CDCA2: variants seen among roughly 807,000 people sequenced by gnomAD.
CDCA2 encodes the protein cell division cycle associated 2, also known as cell division cycle-associated protein 2.
A neutral mutation model predicts 67.0 loss-of-function variants in CDCA2; 44 were observed. The observed-to-expected ratio is 0.66, with a 90% confidence interval of 0.52 to 0.84. The LOEUF (loss-of-function observed/expected upper bound fraction) is 0.84, where lower values mean the gene tolerates loss of function less well. Among genes scored for constraint, CDCA2 ranks in the 40% least tolerant of loss-of-function variants. CDCA2 has a pLI of 0.00. For synonymous variants in CDCA2, 447 were observed against 418.7 expected, an observed-to-expected ratio of 1.07 and a Z score of -0.82; for missense variants, 1,253 against 1,203.2, an observed-to-expected ratio of 1.04 and a Z score of -0.61.
At chr8:25,499,442 G>C (rs1397468555) in intron 13 of CDCA2, among the ~76,000 whole-genome samples, 1 of 151,318 alleles carries the variant, frequency 6.6e-6, no homozygotes, top group African/African-American at 2.4e-5. Flanking sequence ...GTAGCTGGGA[G>C]TACATGGCTT....
intron 13 of CDCA2, among the ~76,000 whole-genome samples, chr8:25,497,089 T>G (rs1804252938): frequency 6.6e-6 from 1 of 152,138 alleles, no homozygotes; most frequent in African/African-American, 2.4e-5. Flanking sequence ...AGTCTTACAG[T>G]CCCAAGTGCT....
At position 25,468,371 on chromosome 8, in the gene CDCA2, A is replaced by C; in HGVS notation, c.693A>C (p.Thr231=). The C allele has an allele frequency of 6.2e-7, 1 of 1,613,536 alleles. No homozygotes were observed. The highest frequency in any genetic ancestry group is 2.2e-5 in the East Asian group (1 of 44,844). The change falls in exon 6 of 15, where the codon ACA becomes ACC. Residue 231 remains threonine, a synonymous_variant. Transcript: ENST00000330560. ...VIGLQIFNID[T]DRACAVETSV... is the part of the protein sequence containing the mutation. ...GTCTCCAGATATTCAATATTGATAC[A>C]GACAGAGCATGTGCAGTTGAAACTT... is the stretch of plus-strand genomic sequence containing the variant.
chr8:25,471,914 A>G (rs1305699593), intron 7 of CDCA2, among the ~76,000 whole-genome samples: 1 of 152,228 alleles, frequency 6.6e-6, no homozygotes, highest in East Asian at 1.9e-4. Context: ...GGCCTTGATG[A>G]AAGGAGTCTG....
At chr8:25,503,844 G>GT (rs1203633323) in intron 14 of CDCA2, among the ~76,000 whole-genome samples, 1 of 152,190 alleles carries the variant, frequency 6.6e-6, no homozygotes, top group East Asian at 1.9e-4. Flanking sequence ...GTTTCCTTTT[G>GT]TTTTTTAAAG....
chr8:25,464,776 G>A (rs949019472), intron 4 of CDCA2, among the ~76,000 whole-genome samples: 1 of 152,144 alleles, frequency 6.6e-6, no homozygotes, highest in Admixed American at 6.5e-5. Flanking sequence ...TCTGTTAGAT[G>A]AATTGACATA....
intron 14 of CDCA2, among the ~76,000 whole-genome samples, chr8:25,506,040 A>G (rs1156460052): frequency 6.6e-6 from 1 of 152,234 alleles, no homozygotes; most frequent in Non-Finnish European, 1.5e-5. Context: ...GTCTTCAGGC[A>G]TGCTGTTTTA....
At chr8:25,503,977 A>G (rs1252511209) in intron 14 of CDCA2, among the ~76,000 whole-genome samples, 1 of 152,106 alleles carries the variant, frequency 6.6e-6, no homozygotes, top group Non-Finnish European at 1.5e-5. Flanking sequence ...GCTTGAGTTC[A>G]GGAGTTTGAG....
chr8:25,460,187 C>A, intron 1 of CDCA2, 53 bp from the exon 2 acceptor site: 2 of 1,555,534 alleles, frequency 1.3e-6, no homozygotes, highest in Non-Finnish European at 1.8e-6. Flanking sequence ...GTGATCGAAT[C>A]ACGTTCATCT....
rs1483493929 is a variant in CDCA2 at position 25,507,687 on chromosome 8, C to T, written c.3021C>T (p.Ser1007=). The stretch of plus-strand genomic sequence containing the variant: ...CCTCTCTTAATGGGAAGGGAGAGAG[C>T]TCTCTGACTGCCTTGGAAAGGATTG... ...RRSSLNGKGE[S]SLTALERIEH... is the part of the protein sequence containing the mutation. Residue 1007 remains serine (S), a synonymous_variant, in exon 15 of 15, where the codon AGC becomes AGT. Coordinates refer to ENST00000330560, the MANE Select transcript of CDCA2 (RefSeq NM_152562.4). 6.8e-6 allele frequency: 11 copies of T among 1,613,764 alleles called. No homozygotes were observed. The highest frequency in any genetic ancestry group is 1.3e-5 in the African/African-American group (1 of 74,904).
intron 7 of CDCA2, among the ~76,000 whole-genome samples, chr8:25,475,688 G>C (rs1221643216): frequency 1.3e-5 from 2 of 152,132 alleles, no homozygotes; most frequent in Non-Finnish European, 2.9e-5. Context: ...TGGGGAAGCT[G>C]GACAGGGATT....
rs146342009 is a variant in CDCA2, at chr8:25,507,320, A to G, written c.2654A>G (p.Asn885Ser). ...ATTGAGCAAACCTTTCAGAGGAGAA[A>G]TAGTGAAACCAAAGTGCGACGTAGC... ...DAIEQTFQRR[N>S]SETKVRRSTR... Residue 885 changes from asparagine (N) to serine (S), a missense_variant, in exon 15 of 15, where the codon AAT (asparagine) becomes AGT (serine). Coordinates refer to ENST00000330560, the MANE Select transcript of CDCA2 (RefSeq NM_152562.4). The G allele has an allele frequency of 3.7e-6, 6 of 1,613,982 alleles. No individual in the cohort carries two copies. The highest frequency in any genetic ancestry group is 4.2e-6 in the Non-Finnish European group (5 of 1,180,036).
intron 4 of CDCA2, among the ~76,000 whole-genome samples, chr8:25,463,928 C>T (rs930850805): frequency 1.3e-5 from 2 of 152,208 alleles, no homozygotes; most frequent in Non-Finnish European, 2.9e-5. Context: ...TACCTCCCTC[C>T]TGTGACATCT....
intron 7 of CDCA2, among the ~76,000 whole-genome samples, chr8:25,474,995 G>A (rs1345742676): frequency 6.6e-6 from 1 of 152,184 alleles, no homozygotes; most frequent in Non-Finnish European, 1.5e-5. Context: ...ACACAGCCTG[G>A]CTTAGGGAAG....
chr8:25,462,487 T>A (rs1802735858), intron 4 of CDCA2, among the ~76,000 whole-genome samples: 1 of 104,048 alleles, frequency 9.6e-6, no homozygotes, highest in South Asian at 2.8e-4. Flanking sequence ...ATTAGCTGGG[T>A]GTGGTGGCAG....
intron 7 of CDCA2, among the ~76,000 whole-genome samples, chr8:25,477,968 C>G (rs1223461955): frequency 3.3e-5 from 5 of 151,102 alleles, no homozygotes; most frequent in Non-Finnish European, 7.4e-5. Context: ...TCGCTGTCAC[C>G]CAGGCTGGAG....
intron 7 of CDCA2, among the ~76,000 whole-genome samples, chr8:25,473,923 A>G (rs1042583282): frequency 1.3e-5 from 2 of 152,214 alleles, no homozygotes; most frequent in African/African-American, 2.4e-5. Flanking sequence ...ACTAATTTCT[A>G]TTCTGACTTG....
intron 4 of CDCA2, 62 bp downstream of exon 4, chr8:25,462,270 C>T: frequency 6.6e-7 from 1 of 1,518,844 alleles, no homozygotes; most frequent in Non-Finnish European, 9.1e-7. Flanking sequence ...GCTTTCTTTA[C>T]ACCTTCTAGT....
chr8:25,478,886 G>A (rs1532914), intron 7 of CDCA2, among the ~76,000 whole-genome samples: 5,207 of 119,580 alleles, frequency 0.044, 126 homozygotes, highest in Middle Eastern at 0.095. Context: ...TGTTGTGTGT[G>A]TGTATATATA....
At chr8:25,492,610 A>C (rs1804055918) in intron 13 of CDCA2, among the ~76,000 whole-genome samples, 1 of 152,214 alleles carries the variant, frequency 6.6e-6, no homozygotes, top group Non-Finnish European at 1.5e-5. Context: ...CAGTATAAGG[A>C]AAAGTAGATT....
Sources: gnomAD v4.1 joint callset for allele counts (sites outside exome capture counted in the v4.1 genomes callset) on GRCh38, gnomAD v4.1.1 for gene constraint, MANE v1.5 for transcripts, NCBI Gene and HGNC (gene_info 2026-07-23, HGNC 2026-07-21) for gene names.